Variants in TOP6BL observed in about 807,000 individuals in gnomAD.
The protein encoded by TOP6BL is TOP6B like initiator of meiotic double strand breaks.
the TOP6BL span, among the ~76,000 whole-genome samples, chr11:66,766,135 T>G: frequency 2.0e-5 from 3 of 152,220 alleles, no homozygotes; most frequent in Non-Finnish European, 4.4e-5. Flanking sequence ...TCAGTTTAAC[T>G]CTGTTGTTTT....
the TOP6BL span, among the ~76,000 whole-genome samples, chr11:66,750,178 A>G: frequency 6.6e-6 from 1 of 152,126 alleles, no homozygotes; most frequent in African/African-American, 2.4e-5. Context: ...ATTTCATGTT[A>G]GCATAAGGGA....
At chr11:66,827,954 G>A in the TOP6BL span, among the ~76,000 whole-genome samples, 1 of 105,494 alleles carries the variant, frequency 9.5e-6, no homozygotes, top group African/African-American at 3.9e-5. Context: ...GACAGAGCAA[G>A]ACTCTGTCTC....
At chr11:66,802,113 T>G in the TOP6BL span, among the ~76,000 whole-genome samples, 2 of 151,932 alleles carry the variant, frequency 1.3e-5, no homozygotes, top group African/African-American at 4.8e-5. Context: ...CCTCAGCCTC[T>G]CGAGTAGCTA....
the TOP6BL span, among the ~76,000 whole-genome samples, chr11:66,790,199 G>A: frequency 6.6e-6 from 1 of 152,020 alleles, no homozygotes; most frequent in African/African-American, 2.4e-5. Context: ...AACCCGGGAG[G>A]CGGAGCTTGA....
chr11:66,813,453 G>C, the TOP6BL span, among the ~76,000 whole-genome samples: 1 of 152,182 alleles, frequency 6.6e-6, no homozygotes, highest in Admixed American at 6.5e-5. Context: ...TAACTGCATA[G>C]GCTGGGCATG....
the TOP6BL span, chr11:66,761,532 C>T: frequency 1.0e-6 from 1 of 964,624 alleles, no homozygotes; most frequent in Non-Finnish European, 1.4e-6. Context: ...TGTTCACTGG[C>T]CAAAGCCTGC....
chr11:66,843,085 C>T, the TOP6BL span: 2 of 1,583,522 alleles, frequency 1.3e-6, no homozygotes, highest in African/African-American at 1.3e-5. Flanking sequence ...TGGGCGAGGG[C>T]CGCGCAGGGA....
At chr11:66,781,830 C>G in the TOP6BL span, among the ~76,000 whole-genome samples, 1 of 152,118 alleles carries the variant, frequency 6.6e-6, no homozygotes, top group Non-Finnish European at 1.5e-5. Flanking sequence ...GAGCCTGGCC[C>G]TCAGGTTCTG....
chr11:66,745,102 C>T, the TOP6BL span, among the ~76,000 whole-genome samples: 1 of 152,078 alleles, frequency 6.6e-6, no homozygotes, highest in Non-Finnish European at 1.5e-5. Flanking sequence ...CTCTCGCTCG[C>T]GGGGTACTCT....
the TOP6BL span, chr11:66,796,453 A>G: frequency 1.0e-6 from 1 of 971,838 alleles, no homozygotes; most frequent in Non-Finnish European, 1.5e-6. Context: ...GACAGATGTG[A>G]TTGGTTCTTT....
At chr11:66,827,129 G>A in the TOP6BL span, among the ~76,000 whole-genome samples, 3 of 151,780 alleles carry the variant, frequency 2.0e-5, no homozygotes, top group African/African-American at 7.3e-5. Flanking sequence ...TTACAGGCAT[G>A]TGCCACCACG....
the TOP6BL span, among the ~76,000 whole-genome samples, chr11:66,771,963 A>G: frequency 1.3e-5 from 2 of 152,352 alleles, no homozygotes; most frequent in South Asian, 2.1e-4. Flanking sequence ...TTATAAGACT[A>G]TAGCTGCCAT....
the TOP6BL span, among the ~76,000 whole-genome samples, chr11:66,751,995 G>A: frequency 6.6e-6 from 1 of 152,060 alleles, no homozygotes; most frequent in Admixed American, 6.6e-5. Context: ...CTTTTCCAGT[G>A]TATCCTGACC....
chr11:66,771,825 A>T, the TOP6BL span, among the ~76,000 whole-genome samples: 1 of 152,208 alleles, frequency 6.6e-6, no homozygotes, highest in Non-Finnish European at 1.5e-5. Flanking sequence ...GGTTTGTTCC[A>T]TCCAAATACT....
the TOP6BL span, chr11:66,748,534 A>G: frequency 6.6e-7 from 1 of 1,507,784 alleles, no homozygotes; most frequent in Non-Finnish European, 8.9e-7. Context: ...AGAGAAAGAA[A>G]AAATATTTTC....
chr11:66,821,556 A>G, the TOP6BL span: 6 of 1,443,368 alleles, frequency 4.2e-6, no homozygotes, highest in South Asian at 7.5e-5. Context: ...ATTACAGGCC[A>G]CATCTGGTAA....
At chr11:66,774,088 A>T in the TOP6BL span, among the ~76,000 whole-genome samples, 1 of 152,120 alleles carries the variant, frequency 6.6e-6, no homozygotes, top group Non-Finnish European at 1.5e-5. Flanking sequence ...ACATCTAGTG[A>T]ATCTGGAGTT....
the TOP6BL span, among the ~76,000 whole-genome samples, chr11:66,769,034 C>G: frequency 6.6e-6 from 1 of 152,152 alleles, no homozygotes; most frequent in African/African-American, 2.4e-5. Context: ...ACTTACTGTT[C>G]CAACTCTGTC....
chr11:66,764,821 A>G, the TOP6BL span, among the ~76,000 whole-genome samples: 1 of 151,820 alleles, frequency 6.6e-6, no homozygotes, highest in African/African-American at 2.4e-5. Flanking sequence ...TCAGCCAGGC[A>G]TGTGAAAATC....
Sources: allele counts gnomAD v4.1 joint callset (sites outside exome capture counted in the v4.1 genomes callset), GRCh38; gene constraint gnomAD v4.1.1; transcripts MANE v1.5; gene names NCBI Gene and HGNC (gene_info 2026-07-23, HGNC 2026-07-21).